MYT1L: variants seen among roughly 807,000 people sequenced by gnomAD.
MYT1L encodes myelin transcription factor 1 like.
In MYT1L, 12 loss-of-function variants were observed where a neutral mutation model predicts 126.7. The observed-to-expected ratio is 0.09, with a 90% confidence interval of 0.06 to 0.15. The LOEUF (loss-of-function observed/expected upper bound fraction) is 0.15, where lower values mean the gene tolerates loss of function less well. MYT1L is among the 10% of genes least tolerant of loss of function. The pLI is 1.00. For synonymous variants in MYT1L, 541 were observed against 604.2 expected (o/e 0.90, Z 1.53); for missense variants, 979 against 1,585.2 (o/e 0.62, Z 6.49).
intron 1 of MYT1L, among the ~76,000 whole-genome samples, chr2:2,313,527 T>A (rs1168026970): frequency 2.0e-5 from 3 of 152,040 alleles, no homozygotes; most frequent in African/African-American, 4.8e-5. Flanking sequence ...TTTTTTTTTT[T>A]AATGGAAATG....
intron 2 of MYT1L, among the ~76,000 whole-genome samples, chr2:2,249,085 T>C (rs2094586999): frequency 6.6e-6 from 1 of 152,152 alleles, no homozygotes; most frequent in Non-Finnish European, 1.5e-5. Flanking sequence ...TAATTCTTGT[T>C]TGCAGATGAT....
At chr2:2,247,733 A>T (rs2094561197) in intron 2 of MYT1L, among the ~76,000 whole-genome samples, 1 of 152,222 alleles carries the variant, frequency 6.6e-6, no homozygotes, top group African/African-American at 2.4e-5. Flanking sequence ...TAATTTTAGA[A>T]TTTCCATGAA....
Position 2,214,348 on chromosome 2 carries a change from A to G in MYT1L, c.-420-41360T>C, listed in dbSNP as rs147525536. On this transcript the variant is annotated intron_variant, in intron 2 of 24. Coordinates refer to ENST00000647738, the MANE Select transcript of MYT1L (RefSeq NM_001303052.2). ...AACAATCTCCAGATTTAATGAAAAC[A>G]TCAAACCCACGGATCTAAAATAATG... Among the ~76,000 whole-genome samples the G allele has an allele frequency of 6.1e-3, 923 of 152,224 alleles. 11 individuals carry two copies. The highest frequency in any genetic ancestry group is 0.028 in the South Asian group (135 of 4,818).
intron 3 of MYT1L, among the ~76,000 whole-genome samples, chr2:2,125,361 A>G (rs2081551301): frequency 6.6e-6 from 1 of 152,202 alleles, no homozygotes; most frequent in Admixed American, 6.5e-5. Context: ...ACCTTTAACA[A>G]TGCTACACAT....
At chr2:1,829,133 T>C (rs1200874320) in intron 21 of MYT1L, among the ~76,000 whole-genome samples, 2 of 152,112 alleles carry the variant, frequency 1.3e-5, no homozygotes, top group South Asian at 2.1e-4. Context: ...CCCATGAAGA[T>C]GGCGTTGGGC....
intron 3 of MYT1L, among the ~76,000 whole-genome samples, chr2:2,080,718 G>A (rs2075730470): frequency 6.6e-6 from 1 of 152,202 alleles, no homozygotes; most frequent in African/African-American, 2.4e-5. Flanking sequence ...TGGTGAGGAT[G>A]TGGAGAAACT....
At chr2:1,960,730 C>A (rs1192870506) in intron 8 of MYT1L, among the ~76,000 whole-genome samples, 1 of 151,860 alleles carries the variant, frequency 6.6e-6, no homozygotes, top group Non-Finnish European at 1.5e-5. Context: ...TGCATGTCAC[C>A]TGCAGCTAGA....
chr2:1,953,211 C>T (rs1368720340), intron 8 of MYT1L, among the ~76,000 whole-genome samples: 2 of 152,148 alleles, frequency 1.3e-5, no homozygotes, highest in Admixed American at 6.5e-5. Context: ...GATCCATCTG[C>T]CTTGGCCTCC....
Position 2,224,999 on chromosome 2 carries a change from A to AT in MYT1L, c.-420-52012_-420-52011insA, listed in dbSNP as rs146815610. Reference sequence around the variant, plus strand: ...CGTCTTGGAAACTTTAATATGCTTGAAAAACAGGCCGTGGGTTTTTATTTT... The same window carrying AT: ...CGTCTTGGAAACTTTAATATGCTTGATAAAACAGGCCGTGGGTTTTTATTTT... On this transcript the variant is annotated intron_variant, in intron 2 of 24. Coordinates refer to ENST00000647738, the MANE Select transcript of MYT1L (RefSeq NM_001303052.2). This position sits in a 1 kb window ranked among gnomAD's most constrained non-coding sequence, Gnocchi z 4.0. 0.037 allele frequency among the ~76,000 whole-genome samples: 5,640 copies of AT among 152,142 alleles called. 249 individuals are homozygous for AT. Among genetic ancestry groups the AT allele is most frequent in the East Asian group, 0.2 (1,005 of 5,130 alleles).
At chr2:2,117,244 T>A (rs989332790) in intron 3 of MYT1L, among the ~76,000 whole-genome samples, 3 of 152,156 alleles carry the variant, frequency 2.0e-5, no homozygotes, top group Non-Finnish European at 2.9e-5. Flanking sequence ...AAAATACAGG[T>A]GGGATCTTCT....
intron 3 of MYT1L, among the ~76,000 whole-genome samples, chr2:2,151,030 A>C (rs2085700032): frequency 6.6e-6 from 1 of 152,176 alleles, no homozygotes; most frequent in Non-Finnish European, 1.5e-5. Context: ...TTAGGAGAGA[A>C]GAAAATGCTA....
In MYT1L at chr2:1,839,355, C is replaced by T. The variant is rs1166451157; in HGVS notation, c.2874G>A (p.Gly958=). ...DQEPIRCPVP[G]CDGQGHITGK... is the part of the protein sequence containing the mutation. ...CAGTGATGTGGCCCTGGCCGTCGCACCCGGGGACCGGACACCTGTAGGCAG... is the reference window on the plus strand; with the variant it reads ...CAGTGATGTGGCCCTGGCCGTCGCATCCGGGGACCGGACACCTGTAGGCAG... Residue 958 remains glycine, a synonymous_variant, in exon 21 of 25, where the codon GGG becomes GGA. Coordinates refer to ENST00000647738, the MANE Select transcript of MYT1L (RefSeq NM_001303052.2). The T allele has an allele frequency of 6.2e-7, 1 of 1,612,920 alleles. No homozygotes were observed. Among genetic ancestry groups the T allele is most frequent in the East Asian group, 2.2e-5 (1 of 44,876 alleles).
At chr2:1,870,972 G>A (rs11687322) in intron 18 of MYT1L, among the ~76,000 whole-genome samples, 29,427 of 152,144 alleles carry the variant, frequency 0.19, 3,241 homozygotes, top group East Asian at 0.37. Context: ...CCCTGCCCTA[G>A]GCTGGGGCTG....
At chr2:2,232,177 A>G (rs2094177114) in intron 2 of MYT1L, among the ~76,000 whole-genome samples, 1 of 152,256 alleles carries the variant, frequency 6.6e-6, no homozygotes, top group Non-Finnish European at 1.5e-5. Flanking sequence ...AGTGGTGCAG[A>G]TGGCTGAGTG....
At chr2:1,915,887 G>A (rs181637853) in intron 11 of MYT1L, among the ~76,000 whole-genome samples, 14 of 152,276 alleles carry the variant, frequency 9.2e-5, no homozygotes, top group South Asian at 6.2e-4. Context: ...TTCCTCATCC[G>A]AATGAAAGGG....
At chr2:2,237,044 C>A (rs1473747253) in intron 2 of MYT1L, among the ~76,000 whole-genome samples, 3 of 152,054 alleles carry the variant, frequency 2.0e-5, no homozygotes, top group Non-Finnish European at 2.9e-5. Flanking sequence ...GAACTCCCGA[C>A]CTCAGGTGAT....
At position 1,979,834 on chromosome 2, in the gene MYT1L, G is replaced by A; in HGVS notation, c.1-57C>T. The A allele has an allele frequency of 1.9e-6, 3 of 1,580,364 alleles. No homozygotes were observed. Among genetic ancestry groups the A allele is most frequent in the Non-Finnish European group, 2.6e-6 (3 of 1,151,588 alleles). On this transcript the variant is annotated intron_variant, in intron 5 of 24. Coordinates refer to ENST00000647738, the MANE Select transcript of MYT1L (RefSeq NM_001303052.2). This position sits in a 1 kb window ranked among gnomAD's most constrained non-coding sequence, Gnocchi z 4.0. ...TATCCTGCCTGTGCAGGCCAGCCCT[G>A]CAGGGGCGGCTCACTCTCCCTGGCA...
intron 5 of MYT1L, among the ~76,000 whole-genome samples, chr2:1,996,340 C>CT (rs2061838506): frequency 6.6e-6 from 1 of 151,926 alleles, no homozygotes; most frequent in South Asian, 2.1e-4. Context: ...TCAGTGTGGG[C>CT]TGTACAGAAC....
chr2:1,839,935 G>C (rs184637982), intron 20 of MYT1L, among the ~76,000 whole-genome samples: 1 of 152,158 alleles, frequency 6.6e-6, no homozygotes, highest in South Asian at 2.1e-4. Flanking sequence ...ACAGGGACAC[G>C]GGACAGGTGT....
Sources: gnomAD v4.1 joint callset for allele counts (sites outside exome capture counted in the v4.1 genomes callset) on GRCh38, gnomAD v4.1.1 for gene constraint, Gnocchi (gnomAD v3.1) non-coding constraint, MANE v1.5 for transcripts, NCBI Gene and HGNC (gene_info 2026-07-23, HGNC 2026-07-21) for gene names.